The following ZFHX3 variants were observed in gnomAD, a reference collection of about 807,000 sequenced individuals.
ZFHX3 encodes zinc finger homeobox 3, also known as zinc finger homeobox protein 3.
ZFHX3 carries 42 observed loss-of-function variants against 279.1 expected under a neutral mutation model. That is an observed-to-expected ratio of 0.15 (90% confidence interval 0.12 to 0.19). The LOEUF is 0.19. ZFHX3 is among the 10% of genes least tolerant of loss of function. The pLI, the probability that ZFHX3 is intolerant of heterozygous loss-of-function variation, is 1.00. For synonymous variants in ZFHX3, 2,293 were observed against 1,957.8 expected (o/e 1.17, Z -4.52); for missense variants, 4,981 against 4,754.0 (o/e 1.05, Z -1.40).
rs1051763524 is a variant in ZFHX3 at position 73,676,768 on chromosome 16, C to A, written c.-1547+3412G>T. ...AGTACAGAAAGGATGAGTAAAAAGA[C>A]GAGTGAACATACACTAAAGAGATAC... On this transcript the variant is annotated intron_variant, in intron 2 of 17. Transcript: ENST00000641206. Among the ~76,000 whole-genome samples, 10 of 151,254 alleles carry A rather than the reference C, an allele frequency of 6.6e-5. No individual in the cohort carries two copies. In the East Asian group the frequency reaches 1.7e-3, roughly 26 times the overall value.
intron 2 of ZFHX3, among the ~76,000 whole-genome samples, chr16:73,526,353 A>G (rs547688924): frequency 1.3e-5 from 2 of 152,388 alleles, no homozygotes; most frequent in South Asian, 4.1e-4. Context: ...CAGAAGCTCC[A>G]GAAAATAAAT....
intron 4 of ZFHX3, among the ~76,000 whole-genome samples, chr16:72,860,873 G>GA (rs774849829): frequency 1.1e-4 from 17 of 152,164 alleles, no homozygotes; most frequent in Non-Finnish European, 7.3e-5. Flanking sequence ...CTGTTCCTCT[G>GA]ACAGCTCTCA....
intron 7 of ZFHX3, among the ~76,000 whole-genome samples, chr16:73,121,877 A>G (rs1348486084): frequency 6.6e-6 from 1 of 152,082 alleles, no homozygotes; most frequent in African/African-American, 2.4e-5. Context: ...GGCCTCCGAA[A>G]GTGTTGGGAT....
At chr16:73,208,794 G>A (rs545136381) in intron 5 of ZFHX3, among the ~76,000 whole-genome samples, 2 of 152,294 alleles carry the variant, frequency 1.3e-5, no homozygotes, top group Admixed American at 6.5e-5. Flanking sequence ...TAAAATACTT[G>A]GGAAAGAAAA....
chr16:73,245,256 C>T (rs1300865091), intron 5 of ZFHX3, among the ~76,000 whole-genome samples: 4 of 152,150 alleles, frequency 2.6e-5, no homozygotes, highest in African/African-American at 9.7e-5. Flanking sequence ...CTTCACATCC[C>T]CACTTTTCTG....
chr16:72,862,786 G>T (rs1267920156), intron 4 of ZFHX3, among the ~76,000 whole-genome samples: 1 of 152,064 alleles, frequency 6.6e-6, no homozygotes, highest in African/African-American at 2.4e-5. Context: ...CGACTGCAGG[G>T]ATCCTACAAG....
intron 2 of ZFHX3, among the ~76,000 whole-genome samples, chr16:73,509,327 G>C (rs1435944759): frequency 2.6e-5 from 4 of 151,852 alleles, no homozygotes; most frequent in Non-Finnish European, 5.9e-5. Flanking sequence ...TCTTCACTAT[G>C]TTTCCCTACC....
chr16:73,781,973 C>T (rs1003584917), intron 1 of ZFHX3, among the ~76,000 whole-genome samples: 8 of 151,980 alleles, frequency 5.3e-5, no homozygotes, highest in Admixed American at 1.3e-4. Context: ...GGCGAAAGAG[C>T]GAGACTCCAT....
At chr16:72,990,591 C>A (rs1434963734) in intron 1 of ZFHX3, among the ~76,000 whole-genome samples, 3 of 152,136 alleles carry the variant, frequency 2.0e-5, no homozygotes, top group Non-Finnish European at 4.4e-5. Context: ...AGCTGAGCAC[C>A]CTCTTCTTTC....
chr16:73,113,300 C>A (rs965464749), intron 7 of ZFHX3, among the ~76,000 whole-genome samples: 3 of 152,080 alleles, frequency 2.0e-5, no homozygotes, highest in African/African-American at 7.2e-5. Context: ...AATATAAGAT[C>A]TTTCACCACG....
Position 73,520,616 on chromosome 16 carries a change from C to T in ZFHX3, c.-1546-64358G>A, listed in dbSNP as rs76201018. On this transcript the variant is annotated intron_variant, in intron 2 of 17. Transcript: ENST00000641206. ...GCTCTGGAAGAAGTCTACTGTCTCA[C>T]GCATTCTTTGTACAAACATCTGGTG... Among the ~76,000 whole-genome samples the T allele has an allele frequency of 2.8e-3, 433 of 152,306 alleles. 5 individuals carry two copies. The highest frequency in any genetic ancestry group is 0.01 in the African/African-American group (420 of 41,566).
At chr16:73,113,619 C>G (rs775929580) in intron 7 of ZFHX3, among the ~76,000 whole-genome samples, 19 of 152,124 alleles carry the variant, frequency 1.2e-4, no homozygotes, top group Middle Eastern at 3.4e-3. Flanking sequence ...AGGTGAATGC[C>G]AGCAACAAAT....
intron 1 of ZFHX3, among the ~76,000 whole-genome samples, chr16:73,802,162 C>CA (rs1555502638): frequency 6.7e-6 from 1 of 149,878 alleles, no homozygotes; most frequent in Non-Finnish European, 1.5e-5. Context: ...AAATGTGTGA[C>CA]TTTTTTTTTT....
chr16:73,856,385 T>C (rs1374203578), intron 1 of ZFHX3, among the ~76,000 whole-genome samples: 2 of 152,176 alleles, frequency 1.3e-5, no homozygotes, highest in Non-Finnish European at 2.9e-5. Flanking sequence ...TCTATGGTAT[T>C]CAAACTTAAC....
chr16:73,834,404 C>T (rs1961083598), intron 1 of ZFHX3, among the ~76,000 whole-genome samples: 1 of 152,184 alleles, frequency 6.6e-6, no homozygotes, highest in Non-Finnish European at 1.5e-5. Context: ...ACAGATTTTC[C>T]TGCAGGGTCA....
intron 1 of ZFHX3, among the ~76,000 whole-genome samples, chr16:72,981,697 G>C (rs12596865): frequency 0.14 from 20,709 of 151,800 alleles, 1,688 homozygotes; most frequent in East Asian, 0.36. Flanking sequence ...CCAACATCCA[G>C]CACACCCTCC....
intron 1 of ZFHX3, among the ~76,000 whole-genome samples, chr16:73,777,898 G>A (rs1336541810): frequency 1.3e-5 from 2 of 152,074 alleles, no homozygotes; most frequent in South Asian, 2.1e-4. Flanking sequence ...GATTGAGAAA[G>A]ATGGAATGTC....
intron 1 of ZFHX3, among the ~76,000 whole-genome samples, chr16:72,977,121 T>C (rs553648777): frequency 2.0e-4 from 31 of 152,314 alleles, no homozygotes; most frequent in Middle Eastern, 6.8e-3. Flanking sequence ...AGAAAGGATA[T>C]GATTTCATTT....
chr16:72,907,051 G>A (rs1299386280), intron 3 of ZFHX3, among the ~76,000 whole-genome samples: 4 of 152,130 alleles, frequency 2.6e-5, no homozygotes, highest in African/African-American at 4.8e-5. Flanking sequence ...GCAGTCAATC[G>A]CTCACCATCA....
Sources: allele counts gnomAD v4.1 joint callset (sites outside exome capture counted in the v4.1 genomes callset), GRCh38; gene constraint gnomAD v4.1.1; transcripts MANE v1.5; gene names NCBI Gene and HGNC (gene_info 2026-07-23, HGNC 2026-07-21).